ACOXL: variants seen among roughly 807,000 people sequenced by gnomAD.
ACOXL encodes acyl-CoA oxidase like.
A neutral mutation model predicts 71.9 loss-of-function variants in ACOXL; 70 were observed. That is an observed-to-expected ratio of 0.97 (90% CI 0.80 to 1.19). The LOEUF (loss-of-function observed/expected upper bound fraction) is 1.19, where lower values mean the gene tolerates loss of function less well. Among genes scored for constraint, ACOXL ranks in the 50% most tolerant of loss-of-function variants. The pLI, the probability that ACOXL is intolerant of heterozygous loss-of-function variation, is 0.00. For synonymous variants in ACOXL, 253 were observed against 281.6 expected, an observed-to-expected ratio of 0.90 and a Z score of 1.02; for missense variants, 703 against 736.3, an observed-to-expected ratio of 0.95 and a Z score of 0.52.
intron 13 of ACOXL, among the ~76,000 whole-genome samples, chr2:110,995,537 G>A (rs2063356865): frequency 7.5e-6 from 1 of 133,216 alleles, no homozygotes; most frequent in African/African-American, 2.8e-5. Context: ...TAATGATTGA[G>A]TTATACATGA....
At chr2:110,780,584 A>G (rs967133264) in intron 2 of ACOXL, among the ~76,000 whole-genome samples, 2 of 152,238 alleles carry the variant, frequency 1.3e-5, no homozygotes, top group Non-Finnish European at 2.9e-5. Context: ...TAAACTATTC[A>G]TAGATGGAAA....
chr2:110,927,933 A>G (rs1249448499), intron 11 of ACOXL, among the ~76,000 whole-genome samples: 2 of 152,182 alleles, frequency 1.3e-5, no homozygotes, highest in African/African-American at 2.4e-5. Flanking sequence ...GGAATCATCT[A>G]GTGGGATTTG....
rs931237642 is a variant in ACOXL at position 110,794,027 on chromosome 2, A to G, written c.247-49A>G. 3 of 1,582,512 alleles carry G rather than the reference A, an allele frequency of 1.9e-6. No individual in the cohort carries two copies. The African/African-American group carries it at 4.0e-5, about 21-fold the overall frequency. On this transcript the variant is annotated intron_variant, in intron 4 of 17. Coordinates refer to ENST00000439055, the MANE Select transcript of ACOXL (RefSeq NM_001142807.4). Reference sequence around the variant, plus strand: ...AATGGTCCGAGGGGTCTGCATTTGGAGCAACTGCCTGACCAGCTAATTCCC... The same window carrying G: ...AATGGTCCGAGGGGTCTGCATTTGGGGCAACTGCCTGACCAGCTAATTCCC...
chr2:110,857,086 C>T lies in ACOXL; in HGVS notation c.788+15681C>T, dbSNP rs975161793. Among the ~76,000 whole-genome samples, 7 of 152,098 alleles carry T rather than the reference C, an allele frequency of 4.6e-5. No individual in the cohort carries two copies. In the East Asian group the frequency reaches 1.3e-3, roughly 29 times the overall value. On this transcript the variant is annotated intron_variant, in intron 10 of 17. Coordinates refer to ENST00000439055, the MANE Select transcript of ACOXL (RefSeq NM_001142807.4). ...TCTCTTAATGATTCCTGAAGTGGGG[C>T]AGTTTCAGGGTGGTTATTTCAGGGG...
In ACOXL at chr2:110,735,676, C is replaced by T. The variant is rs369024675; in HGVS notation, c.-23+2902C>T. Reference sequence around the variant, plus strand: ...GGATGAGCCTGCTGGGCTAAGTCCTCAGACTCCGGGAGCATCCTGGCTGCT... The same window carrying T: ...GGATGAGCCTGCTGGGCTAAGTCCTTAGACTCCGGGAGCATCCTGGCTGCT... On this transcript the variant is annotated intron_variant, in intron 1 of 17. Transcript: ENST00000439055. Among the ~76,000 whole-genome samples the T allele has an allele frequency of 4.6e-5, 7 of 152,334 alleles. No individual in the cohort carries two copies. The South Asian group carries it at 1.4e-3, about 32-fold the overall frequency.
At chr2:110,810,020 C>T (rs1379067232) in intron 9 of ACOXL, among the ~76,000 whole-genome samples, 1 of 152,176 alleles carries the variant, frequency 6.6e-6, no homozygotes, top group Non-Finnish European at 1.5e-5. Flanking sequence ...ATCCGGCTCT[C>T]CACCACTCAG....
At chr2:110,748,658 G>A (rs1678542073) in intron 1 of ACOXL, among the ~76,000 whole-genome samples, 1 of 152,226 alleles carries the variant, frequency 6.6e-6, no homozygotes. Flanking sequence ...TCATCAGGCT[G>A]TGCAGGTGGC....
intron 13 of ACOXL, among the ~76,000 whole-genome samples, chr2:110,990,176 A>G (rs1425132494): frequency 6.6e-6 from 1 of 152,258 alleles, no homozygotes; most frequent in Non-Finnish European, 1.5e-5. Context: ...GAAAATTGAC[A>G]TATTTATAAA....
chr2:110,748,423 C>T (rs917424085), intron 1 of ACOXL, among the ~76,000 whole-genome samples: 1 of 152,132 alleles, frequency 6.6e-6, no homozygotes, highest in African/African-American at 2.4e-5. Flanking sequence ...CTCTGCCTCC[C>T]TTTTTCTATC....
At chr2:110,963,850 A>C (rs953606739) in intron 12 of ACOXL, 3 of 1,265,412 alleles carry the variant, frequency 2.4e-6, no homozygotes, top group Non-Finnish European at 3.2e-6. Context: ...GTTGTAGCTG[A>C]ACAGGGGATT....
chr2:111,037,327 C>G (rs967496678), intron 15 of ACOXL, among the ~76,000 whole-genome samples: 1 of 152,158 alleles, frequency 6.6e-6, no homozygotes, highest in African/African-American at 2.4e-5. Flanking sequence ...CTGACTCACT[C>G]TCCTTTGAAG....
chr2:111,022,197 C>A (rs182026607), intron 14 of ACOXL, among the ~76,000 whole-genome samples: 5 of 151,806 alleles, frequency 3.3e-5, no homozygotes, highest in African/African-American at 1.2e-4. Flanking sequence ...ACCCTGTCTC[C>A]ACTAAACAAA....
chr2:110,761,942 A>C (rs1470539137), intron 1 of ACOXL, among the ~76,000 whole-genome samples: 5 of 152,138 alleles, frequency 3.3e-5, no homozygotes, highest in Admixed American at 3.3e-4. Context: ...AACCTATTGC[A>C]TGATTTCTTT....
At chr2:111,013,167 A>C (rs953260169) in intron 14 of ACOXL, among the ~76,000 whole-genome samples, 1 of 152,216 alleles carries the variant, frequency 6.6e-6, no homozygotes, top group Non-Finnish European at 1.5e-5. Flanking sequence ...AACTTAATGC[A>C]AACAAGTTCA....
chr2:110,784,067 A>C (rs1410284749), intron 2 of ACOXL, among the ~76,000 whole-genome samples: 1 of 152,204 alleles, frequency 6.6e-6, no homozygotes, highest in African/African-American at 2.4e-5. Flanking sequence ...CAAAGTAAAC[A>C]TACTGCTTTT....
chr2:110,926,393 G>C (rs535337649), intron 11 of ACOXL, among the ~76,000 whole-genome samples: 20 of 152,268 alleles, frequency 1.3e-4, no homozygotes, highest in Middle Eastern at 3.4e-3. Flanking sequence ...CATGAAATGG[G>C]CTTGAGACAG....
chr2:111,036,041 T>C (rs970724038), intron 15 of ACOXL, among the ~76,000 whole-genome samples: 1 of 152,260 alleles, frequency 6.6e-6, no homozygotes, highest in African/African-American at 2.4e-5. Flanking sequence ...TGAATCTAGG[T>C]ACTTTCCCCT....
chr2:110,824,502 A>T (rs2105551105), intron 9 of ACOXL, among the ~76,000 whole-genome samples: 1 of 152,134 alleles, frequency 6.6e-6, no homozygotes, highest in Admixed American at 6.5e-5. Flanking sequence ...ATCTTCTTTG[A>T]TGTTCATTTT....
At chr2:110,914,857 G>A (rs1475567292) in intron 11 of ACOXL, among the ~76,000 whole-genome samples, 1 of 152,082 alleles carries the variant, frequency 6.6e-6, no homozygotes, top group Non-Finnish European at 1.5e-5. Flanking sequence ...TATATAGTAG[G>A]TGTTACATAG....
Sources: allele counts gnomAD v4.1 joint callset (sites outside exome capture counted in the v4.1 genomes callset), GRCh38; gene constraint gnomAD v4.1.1; transcripts MANE v1.5; gene names NCBI Gene and HGNC (gene_info 2026-07-23, HGNC 2026-07-21).